Variants in NSL1 observed in about 807,000 individuals in gnomAD.
NSL1 encodes the protein NSL1 component of MIS12 kinetochore complex.
A neutral mutation model predicts 25.4 loss-of-function variants in NSL1; 11 were observed. That is an observed-to-expected ratio of 0.43 (90% CI 0.27 to 0.72). The LOEUF (loss-of-function observed/expected upper bound fraction) is 0.72, where lower values mean the gene tolerates loss of function less well. Ranked by LOEUF, NSL1 falls within the 30% of genes least tolerant of loss-of-function variation. NSL1 has a pLI of 0.19. For synonymous variants in NSL1, 118 were observed against 120.6 expected, an observed-to-expected ratio of 0.98 and a Z score of 0.14; for missense variants, 330 against 342.7, an observed-to-expected ratio of 0.96 and a Z score of 0.29.
At chr1:212,783,766 G>C (rs771977154) in intron 3 of NSL1, among the ~76,000 whole-genome samples, 1 of 152,122 alleles carries the variant, frequency 6.6e-6, no homozygotes, top group Non-Finnish European at 1.5e-5. Flanking sequence ...TGATATGGTT[G>C]GTCATTGATA....
At position 212,738,278 on chromosome 1, in the gene NSL1, T is replaced by G. The variant is rs1658322400; in HGVS notation, c.*130A>C. ...CATATCCCCGCACAGAGATACTATATCTGTATAAATGAATCACTAGTAAAA... is the reference window on the plus strand; with the variant it reads ...CATATCCCCGCACAGAGATACTATAGCTGTATAAATGAATCACTAGTAAAA... On this transcript the variant is annotated 3_prime_UTR_variant, in exon 6 of 6. Coordinates refer to ENST00000366977, the MANE Select transcript of NSL1 (RefSeq NM_015471.4). The G allele has an allele frequency of 6.9e-7, 1 of 1,453,638 alleles. No individual in the cohort carries two copies. The highest frequency in any genetic ancestry group is 1.4e-5 in the African/African-American group (1 of 70,126). 90.0% of individuals were successfully genotyped at this position (1,453,638 alleles called of 1,614,324 possible).
In NSL1 at chr1:212,730,038, G is replaced by A; in HGVS notation, c.*8370C>T. 1.1e-6 allele frequency: 1 copy of A among 950,034 alleles called. No individual in the cohort carries two copies. The highest frequency in any genetic ancestry group is 1.3e-6 in the Non-Finnish European group (1 of 798,022). 58.9% of individuals were successfully genotyped at this position (950,034 alleles called of 1,614,324 possible). A position where few individuals can be genotyped will look rare whatever the true frequency, so the allele number is the denominator to read the frequency against. ...GGCCAGGGCGAGTGGATCACCTGAG[G>A]TCAGGAGTTCGAGACCAGCCTGACC... is the stretch of plus-strand genomic sequence containing the variant. On this transcript the variant is annotated 3_prime_UTR_variant, in exon 6 of 6. Transcript: ENST00000366977.
At chr1:212,781,437 C>T (rs1660728261) in intron 4 of NSL1, among the ~76,000 whole-genome samples, 2 of 152,058 alleles carry the variant, frequency 1.3e-5, no homozygotes, top group African/African-American at 4.8e-5. Context: ...TTTAGTGAAC[C>T]ATGAAAACTG....
In NSL1 at chr1:212,735,590, A is replaced by G; in HGVS notation, c.*2818T>C. 1 of 940,868 alleles carries G rather than the reference A, an allele frequency of 1.1e-6. No homozygotes were observed. Among genetic ancestry groups the G allele is most frequent in the Non-Finnish European group, 1.3e-6 (1 of 789,256 alleles). The allele number at this position is 940,868 out of a possible 1,614,324, so 58.3% of individuals were successfully genotyped here. A position where few individuals can be genotyped will look rare whatever the true frequency, so the allele number is the denominator to read the frequency against. On this transcript the variant is annotated 3_prime_UTR_variant, in exon 6 of 6. Transcript: ENST00000366977. ...ATGTTTGTGTCCCCCTAAAATCTGTATGATGAAGCCTTAACTCCCATGTGC... is the reference window on the plus strand; with the variant it reads ...ATGTTTGTGTCCCCCTAAAATCTGTGTGATGAAGCCTTAACTCCCATGTGC...
Position 212,736,611 on chromosome 1 carries a change from CTGCTA to C in NSL1, c.*1792_*1796del. The C allele has an allele frequency of 1.0e-6, 1 of 985,318 alleles. No individual in the cohort carries two copies. Among genetic ancestry groups the C allele is most frequent in the South Asian group, 4.7e-5 (1 of 21,284 alleles). 61.0% of individuals were successfully genotyped at this position (985,318 alleles called of 1,614,324 possible). Reference sequence around the variant, plus strand: ...CCCAGTGGTATTTCTATTTTAAACTCTGCTATAACTATGGAGTAAAACTTTGGGCT... The same window carrying C: ...CCCAGTGGTATTTCTATTTTAAACTCTAACTATGGAGTAAAACTTTGGGCT... On this transcript the variant is annotated 3_prime_UTR_variant, in exon 6 of 6. Coordinates refer to ENST00000366977, the MANE Select transcript of NSL1 (RefSeq NM_015471.4).
chr1:212,778,533 C>A (rs924320087), intron 4 of NSL1, among the ~76,000 whole-genome samples: 1 of 152,140 alleles, frequency 6.6e-6, no homozygotes, highest in African/African-American at 2.4e-5. Context: ...TGAGTGCCTG[C>A]GATTGCAGGC....
intron 4 of NSL1, among the ~76,000 whole-genome samples, chr1:212,780,725 G>T (rs1305129776): frequency 1.3e-5 from 2 of 151,900 alleles, no homozygotes; most frequent in East Asian, 1.9e-4. Context: ...AGATTATAAG[G>T]TATACAATAC....
intron 2 of NSL1, among the ~76,000 whole-genome samples, chr1:212,785,061 T>C (rs545195576): frequency 1.2e-3 from 181 of 152,270 alleles, no homozygotes; most frequent in African/African-American, 4.1e-3. Flanking sequence ...AAATGGATGA[T>C]AAAATATATA....
chr1:212,790,206 T>C (rs1024304674), intron 1 of NSL1, among the ~76,000 whole-genome samples: 2 of 152,074 alleles, frequency 1.3e-5, no homozygotes, highest in African/African-American at 4.8e-5. Flanking sequence ...TTATTATTGT[T>C]TTAGTAGAGA....
intron 4 of NSL1, among the ~76,000 whole-genome samples, chr1:212,773,995 G>A (rs1337766812): frequency 6.6e-6 from 1 of 151,930 alleles, no homozygotes; most frequent in Admixed American, 6.6e-5. Flanking sequence ...TAAAAAAATT[G>A]ATCTCATGGA....
Position 212,791,663 on chromosome 1 carries a change from T to C in NSL1, c.101A>G (p.Glu34Gly). 4 of 1,613,980 alleles carry C rather than the reference T, an allele frequency of 2.5e-6. No homozygotes were observed. The highest frequency in any genetic ancestry group is 1.3e-5 in the African/African-American group (1 of 75,018). ...CGAGGTGCAGCGCACCCGAAAGTCT[T>C]CTCGGGGAGTGGCGGAGACCAAGGC... ...SQALVSATPREDFRVRCTSKR... is the reference protein window; with the variant it reads ...SQALVSATPRGDFRVRCTSKR... Residue 34 changes from glutamate to glycine, a missense_variant, in exon 1 of 6, where the codon GAA becomes GGA. Coordinates refer to ENST00000366977, the MANE Select transcript of NSL1 (RefSeq NM_015471.4).
chr1:212,787,822 G>A (rs1228147680), intron 1 of NSL1, among the ~76,000 whole-genome samples, 185 bp from the exon 2 acceptor site: 1 of 151,880 alleles, frequency 6.6e-6, no homozygotes, highest in African/African-American at 2.4e-5. Context: ...TACATTTTGG[G>A]TCTCATAGCC....
rs1658043541 is a variant in NSL1 at position 212,732,128 on chromosome 1, A to G, written c.*6280T>C. 1.0e-6 allele frequency: 1 copy of G among 983,292 alleles called. No homozygotes were observed. The highest frequency in any genetic ancestry group is 1.2e-6 in the Non-Finnish European group (1 of 829,224). The allele number at this position is 983,292 out of a possible 1,614,324, so 60.9% of individuals were successfully genotyped here. A position where few individuals can be genotyped will look rare whatever the true frequency, so the allele number is the denominator to read the frequency against. ...AGAACTAATTTGTAACCATGATTAC[A>G]TTTCTTTTTTTGTACAGCTTTCTGC... On this transcript the variant is annotated 3_prime_UTR_variant, in exon 6 of 6. Transcript: ENST00000366977.
At position 212,736,280 on chromosome 1, in the gene NSL1, TCC is replaced by T. The variant is rs1658229607; in HGVS notation, c.*2126_*2127del. ...CTCAAGTAATCTGTCCACTTCAGCCTCCCAAAGTGCTGGGATTACAGGCATGA... is the reference window on the plus strand; with the variant it reads ...CTCAAGTAATCTGTCCACTTCAGCCTCAAAGTGCTGGGATTACAGGCATGA... On this transcript the variant is annotated 3_prime_UTR_variant, in exon 6 of 6. Transcript: ENST00000366977. The T allele has an allele frequency of 1.1e-6, 1 of 902,574 alleles. No individual in the cohort carries two copies. The highest frequency in any genetic ancestry group is 5.1e-5 in the South Asian group (1 of 19,604). 55.9% of individuals were successfully genotyped at this position (902,574 alleles called of 1,614,324 possible).
At chr1:212,769,970 A>AACACAT (rs1660025145) in intron 4 of NSL1, among the ~76,000 whole-genome samples, 1 of 152,184 alleles carries the variant, frequency 6.6e-6, no homozygotes, top group Non-Finnish European at 1.5e-5. Context: ...CACTTGTAAA[A>AACACAT]ACACATACAG....
rs1470571180 is a variant in NSL1, at chr1:212,736,597, T to A, written c.*1811A>T. On this transcript the variant is annotated 3_prime_UTR_variant, in exon 6 of 6. Coordinates refer to ENST00000366977, the MANE Select transcript of NSL1 (RefSeq NM_015471.4). ...TACGTACTGTCTTTCCCAGTGGTAT[T>A]TCTATTTTAAACTCTGCTATAACTA... is the stretch of plus-strand genomic sequence containing the variant. The A allele has an allele frequency of 1.0e-6, 1 of 985,280 alleles. No individual in the cohort carries two copies. The highest frequency in any genetic ancestry group is 1.7e-5 in the African/African-American group (1 of 57,242). The allele number at this position is 985,280 out of a possible 1,614,324, so 61.0% of individuals were successfully genotyped here.
chr1:212,751,075 TTACA>T (rs1456729517), intron 4 of NSL1, among the ~76,000 whole-genome samples: 2 of 152,182 alleles, frequency 1.3e-5, no homozygotes, highest in African/African-American at 4.8e-5. Context: ...TGAAGAACAC[TTACA>T]TAGTCATAAA....
chr1:212,745,582 C>T (rs28872849), intron 4 of NSL1, among the ~76,000 whole-genome samples: 34,522 of 151,972 alleles, frequency 0.23, 4,642 homozygotes, highest in African/African-American at 0.38. Flanking sequence ...TGAAAGACTT[C>T]TAAAAAAATC....
At chr1:212,765,853 C>G (rs562553914) in intron 4 of NSL1, among the ~76,000 whole-genome samples, 1 of 151,308 alleles carries the variant, frequency 6.6e-6, no homozygotes, top group Non-Finnish European at 1.5e-5. Flanking sequence ...TAAAAACCCT[C>G]GGGCTGGGCG....
Sources: gnomAD v4.1 joint callset for allele counts (sites outside exome capture counted in the v4.1 genomes callset) on GRCh38, gnomAD v4.1.1 for gene constraint, MANE v1.5 for transcripts, NCBI Gene and HGNC (gene_info 2026-07-23, HGNC 2026-07-21) for gene names.